The following PCNX2 variants were observed in gnomAD, a reference collection of about 807,000 sequenced individuals.
PCNX2 encodes the protein pecanex 2.
In PCNX2, 168 loss-of-function variants were observed where a neutral mutation model predicts 223.8. The observed-to-expected ratio is 0.75, with a 90% CI of 0.66 to 0.85. The LOEUF is 0.85. Ranked by LOEUF, PCNX2 falls within the 40% of genes least tolerant of loss-of-function variation. The pLI is 0.00. For missense variants in PCNX2, 2,507 were observed against 2,675.5 expected (o/e 0.94, Z 1.39); for synonymous variants, 1,006 against 1,052.6 (o/e 0.96, Z 0.86).
Position 233,221,374 on chromosome 1 carries a change from A to T in PCNX2, c.2505-3190T>A, listed in dbSNP as rs374419979. Among the ~76,000 whole-genome samples, 1,083 of 152,208 alleles carry T rather than the reference A, an allele frequency of 7.1e-3. 16 individuals carry two copies. Among genetic ancestry groups the T allele is most frequent in the African/African-American group, 0.025 (1,028 of 41,508 alleles). ...AAAATATCCAAAGGTCTTTGAAATAAAATTTCAAAGAAAAAAAAAACCTTT... is the reference window on the plus strand; with the variant it reads ...AAAATATCCAAAGGTCTTTGAAATATAATTTCAAAGAAAAAAAAAACCTTT... On this transcript the variant is annotated intron_variant, in intron 10 of 33. Transcript: ENST00000258229.
At chr1:233,094,204 G>A (rs768499302) in intron 22 of PCNX2, among the ~76,000 whole-genome samples, 2 of 152,154 alleles carry the variant, frequency 1.3e-5, no homozygotes, top group Non-Finnish European at 2.9e-5. Context: ...AATTCTTGGT[G>A]TAACTCCTCA....
At chr1:233,249,625 C>T (rs1474378270) in intron 8 of PCNX2, among the ~76,000 whole-genome samples, 1 of 152,264 alleles carries the variant, frequency 6.6e-6, no homozygotes, top group African/African-American at 2.4e-5. Context: ...GAAGAGTGGA[C>T]GGCAAGTGGG....
At chr1:233,057,832 C>A (rs113207258) in intron 23 of PCNX2, 150,092 of 972,504 alleles carry the variant, frequency 0.15, 12,151 homozygotes, top group African/African-American at 0.25. Flanking sequence ...TGCACTCCAA[C>A]CTGGGTGACA....
At position 232,990,879 on chromosome 1, in the gene PCNX2, G is replaced by A. The variant is rs1416389056; in HGVS notation, c.5792-4339C>T. Among the ~76,000 whole-genome samples, 1 of 152,214 alleles carries A rather than the reference G, an allele frequency of 6.6e-6. No homozygotes were observed. The highest frequency in any genetic ancestry group is 1.5e-5 in the Non-Finnish European group (1 of 68,034). On this transcript the variant is annotated intron_variant, in intron 32 of 33. Transcript: ENST00000258229. This position sits in a 1 kb window ranked among gnomAD's most constrained non-coding sequence, Gnocchi z 4.3. The stretch of plus-strand genomic sequence containing the variant: ...AGGGCGGACCTTGGGCCTACTTGCA[G>A]GCACGTGCACCCCCAGACGGGCATG...
In PCNX2 at chr1:233,001,453, T is replaced by C; in HGVS notation, c.5097+84A>G. 1 of 950,686 alleles carries C rather than the reference T, an allele frequency of 1.1e-6. No individual in the cohort carries two copies. Among genetic ancestry groups the C allele is most frequent in the Non-Finnish European group, 1.3e-6 (1 of 762,226 alleles). 58.9% of individuals were successfully genotyped at this position (950,686 alleles called of 1,614,324 possible). On this transcript the variant is annotated intron_variant, in intron 29 of 33. Coordinates refer to ENST00000258229, the MANE Select transcript of PCNX2 (RefSeq NM_014801.4). This position sits in a 1 kb window ranked among gnomAD's most constrained non-coding sequence, Gnocchi z 4.2. ...GAGATTGTGCCATTGCACCCCAGCC[T>C]GGGCAACAAGAGCGAAACTCCATCT...
chr1:233,130,719 A>G (rs1269828936), intron 21 of PCNX2, among the ~76,000 whole-genome samples: 1 of 151,304 alleles, frequency 6.6e-6, no homozygotes, highest in Non-Finnish European at 1.5e-5. Flanking sequence ...TCCTGACCTC[A>G]TGATCCGCTT....
At chr1:233,198,661 A>G (rs1680874861) in intron 15 of PCNX2, among the ~76,000 whole-genome samples, 1 of 152,184 alleles carries the variant, frequency 6.6e-6, no homozygotes, top group Admixed American at 6.5e-5. Flanking sequence ...CAACATGTTA[A>G]GCAGCAGCCC....
At chr1:233,175,325 T>C (rs527606043) in intron 17 of PCNX2, among the ~76,000 whole-genome samples, 20 of 152,324 alleles carry the variant, frequency 1.3e-4, no homozygotes, top group African/African-American at 4.8e-4. Context: ...TGCTCCACAC[T>C]GTACAAAGCA....
rs114013574 is a variant in PCNX2 at position 233,158,335 on chromosome 1, T to C, written c.3517+1948A>G. ...TTCTCTTTGCACACCCCAAGGTATT[T>C]AAATATGTACATTTAACAGGGGCAT... On this transcript the variant is annotated intron_variant, in intron 19 of 33. Coordinates refer to ENST00000258229, the MANE Select transcript of PCNX2 (RefSeq NM_014801.4). Among the ~76,000 whole-genome samples the C allele has an allele frequency of 8.8e-3, 1,342 of 152,286 alleles. 23 individuals are homozygous for C. The highest frequency in any genetic ancestry group is 0.031 in the African/African-American group (1,287 of 41,554).
rs550022765 is a variant in PCNX2, at chr1:233,185,472, TA to T, written c.3067-6298del. Among the ~76,000 whole-genome samples the T allele has an allele frequency of 6.0e-5, 9 of 151,140 alleles. No individual in the cohort carries two copies. In the East Asian group the frequency reaches 1.7e-3, roughly 29 times the overall value. On this transcript the variant is annotated intron_variant, in intron 15 of 33. Coordinates refer to ENST00000258229, the MANE Select transcript of PCNX2 (RefSeq NM_014801.4). Reference sequence around the variant, plus strand: ...TGTAGACATCTCACCACTTTTCATTTAAAAAAAAAGGTTAGGATGTTTTAAT... The same window carrying T: ...TGTAGACATCTCACCACTTTTCATTTAAAAAAAAGGTTAGGATGTTTTAAT...
chr1:233,085,276 G>T (rs1426869451), intron 23 of PCNX2, among the ~76,000 whole-genome samples: 2 of 151,342 alleles, frequency 1.3e-5, no homozygotes, highest in African/African-American at 4.9e-5. Flanking sequence ...AGGTTGCAGT[G>T]AGCTGAGATT....
At chr1:233,083,990 A>C (rs1409679022) in intron 23 of PCNX2, among the ~76,000 whole-genome samples, 1 of 152,230 alleles carries the variant, frequency 6.6e-6, no homozygotes, top group African/African-American at 2.4e-5. Context: ...AATTTAGGAA[A>C]GGAAAATGAA....
At chr1:233,235,636 C>T (rs753343474) in intron 9 of PCNX2, among the ~76,000 whole-genome samples, 21 of 151,940 alleles carry the variant, frequency 1.4e-4, no homozygotes, top group African/African-American at 5.1e-4. Context: ...GAGTCTCGCT[C>T]TGTTGCCCAG....
chr1:233,128,630 C>G (rs908649569), intron 21 of PCNX2, among the ~76,000 whole-genome samples: 1 of 152,140 alleles, frequency 6.6e-6, no homozygotes, highest in Non-Finnish European at 1.5e-5. Context: ...CCACTGTGCC[C>G]GGCCAACTAT....
rs3033285 is a variant in PCNX2, at chr1:233,122,073, TACAC to T, written c.3837+12936_3837+12939del. On this transcript the variant is annotated intron_variant, in intron 21 of 33. Coordinates refer to ENST00000258229, the MANE Select transcript of PCNX2 (RefSeq NM_014801.4). ...CCTGTAGTGACAGAAAGTTAGAAAG[TACAC>T]ACACACACACACACACACACACACA... Among the ~76,000 whole-genome samples, 828 of 131,380 alleles carry T rather than the reference TACAC, an allele frequency of 6.3e-3. 6 individuals are homozygous for T. Among genetic ancestry groups the T allele is most frequent in the South Asian group, 0.023 (93 of 4,016 alleles). The allele number at this position is 131,380 out of a possible 152,430, so 86.2% of individuals were successfully genotyped here. A position where few individuals can be genotyped will look rare whatever the true frequency, so the allele number is the denominator to read the frequency against.
chr1:233,319,137 A>G, the PCNX2 span, among the ~76,000 whole-genome samples: 3 of 151,682 alleles, frequency 2.0e-5, no homozygotes. Context: ...GTTTATCTTG[A>G]CTCTGTAAGA....
At chr1:233,149,625 AATCTCAGCTATC>A (rs1316276429) in intron 19 of PCNX2, among the ~76,000 whole-genome samples, 7 of 152,150 alleles carry the variant, frequency 4.6e-5, no homozygotes, top group Non-Finnish European at 8.8e-5. Flanking sequence ...TCCTGGGTCA[AATCTCAGCTATC>A]ATCAAGTTCT....
chr1:233,202,562 G>C (rs144570207), intron 13 of PCNX2, among the ~76,000 whole-genome samples: 28 of 152,116 alleles, frequency 1.8e-4, no homozygotes, highest in African/African-American at 6.5e-4. Flanking sequence ...TCTTCAATGT[G>C]CCCTATCTGT....
At chr1:233,241,987 G>T (rs1658799891) in intron 8 of PCNX2, among the ~76,000 whole-genome samples, 1 of 152,094 alleles carries the variant, frequency 6.6e-6, no homozygotes, top group East Asian at 1.9e-4. Context: ...ATTAAACATT[G>T]TGGCTTTAGA....
Sources: allele counts gnomAD v4.1 joint callset (sites outside exome capture counted in the v4.1 genomes callset), GRCh38; gene constraint gnomAD v4.1.1; non-coding constraint Gnocchi (gnomAD v3.1); transcripts MANE v1.5; gene names NCBI Gene and HGNC (gene_info 2026-07-23, HGNC 2026-07-21).